ATP11A: variants seen among roughly 807,000 people sequenced by gnomAD.
ATP11A encodes the protein phospholipid-transporting ATPase IH.
ATP11A carries 81 observed loss-of-function variants against 154.4 expected under a neutral mutation model. The ratio of observed to expected loss-of-function variants is 0.52; its 90% CI spans 0.44 to 0.63. The LOEUF is 0.63. Among genes scored for constraint, ATP11A ranks in the 30% least tolerant of loss-of-function variants. The probability of loss-of-function intolerance (pLI) is 0.00; values close to 1 mark genes in which losing one functional copy is unlikely to be tolerated. For synonymous variants in ATP11A, 623 were observed against 585.9 expected, an observed-to-expected ratio of 1.06 and a Z score of -0.91; for missense variants, 1,316 against 1,474.3, an observed-to-expected ratio of 0.89 and a Z score of 1.76.
rs116460786 is a variant in ATP11A, at chr13:112,728,560, T to C, written c.39+38105T>C. ...AGACTGTGTGGCCCGCCTCCCTGTGTTACCTGTATGTACCGCGTTGTCACT... is the reference window on the plus strand; with the variant it reads ...AGACTGTGTGGCCCGCCTCCCTGTGCTACCTGTATGTACCGCGTTGTCACT... On this transcript the variant is annotated intron_variant, in intron 1 of 29. Transcript: ENST00000375645. 7.1e-3 allele frequency among the ~76,000 whole-genome samples: 1,067 copies of C among 149,492 alleles called. 8 individuals are homozygous for C. The highest frequency in any genetic ancestry group is 0.025 in the African/African-American group (1,005 of 40,392).
intron 25 of ATP11A, among the ~76,000 whole-genome samples, chr13:112,867,749 C>T (rs535113036): frequency 1.0e-3 from 154 of 152,336 alleles, no homozygotes; most frequent in Admixed American, 2.9e-3. Context: ...AACCCGCGTG[C>T]AGCCCCGGGG....
chr13:112,788,433 C>T (rs572842299), intron 2 of ATP11A, among the ~76,000 whole-genome samples: 44 of 149,568 alleles, frequency 2.9e-4, no homozygotes, highest in African/African-American at 8.9e-4. Context: ...TAATTCACAC[C>T]GGTGTCCTCA....
At chr13:112,717,105 A>C (rs1888555002) in intron 1 of ATP11A, among the ~76,000 whole-genome samples, 1 of 152,224 alleles carries the variant, frequency 6.6e-6, no homozygotes, top group African/African-American at 2.4e-5. Context: ...CAGGAAGAGA[A>C]AGAGAAGCCA....
intron 5 of ATP11A, among the ~76,000 whole-genome samples, chr13:112,814,080 T>C (rs1489312263): frequency 6.6e-6 from 1 of 152,206 alleles, no homozygotes; most frequent in Non-Finnish European, 1.5e-5. Flanking sequence ...TTATTTCTTT[T>C]GAGACAGAGT....
intron 1 of ATP11A, among the ~76,000 whole-genome samples, chr13:112,734,154 A>G (rs1224029654): frequency 3.5e-4 from 53 of 152,282 alleles, no homozygotes; most frequent in Admixed American, 3.3e-3. Context: ...CTTCCAGCTG[A>G]TAATGAGGTT....
At chr13:112,770,789 G>A (rs1380932192) in intron 1 of ATP11A, among the ~76,000 whole-genome samples, 1 of 152,224 alleles carries the variant, frequency 6.6e-6, no homozygotes, top group East Asian at 1.9e-4. Flanking sequence ...GGCGGCGATG[G>A]CGAGTCAGGA....
intron 1 of ATP11A, among the ~76,000 whole-genome samples, chr13:112,778,674 CA>C: frequency 1.6e-5 from 1 of 64,264 alleles, no homozygotes; most frequent in African/African-American, 8.2e-5. Context: ...GAGGAGTAGC[CA>C]CTGGAGTGAG....
Position 112,767,974 on chromosome 13 carries a change from C to T in ATP11A, c.40-17161C>T, listed in dbSNP as rs558614002. On this transcript the variant is annotated intron_variant, in intron 1 of 29. Coordinates refer to ENST00000375645, the MANE Select transcript of ATP11A (RefSeq NM_015205.3). ...CCCCACCAAGCGCTGGTCACAGAAA[C>T]GCCCTTCTCTGGTCACTGCTCTCTG... Among the ~76,000 whole-genome samples the T allele has an allele frequency of 3.3e-5, 5 of 152,260 alleles. No individual in the cohort carries two copies. In the South Asian group the frequency reaches 6.2e-4, roughly 19 times the overall value.
chr13:112,775,959 C>T (rs986984901), intron 1 of ATP11A, among the ~76,000 whole-genome samples: 1 of 152,254 alleles, frequency 6.6e-6, no homozygotes, highest in Admixed American at 6.5e-5. Context: ...CTGCGCCTCC[C>T]GGGCGTGAGC....
At chr13:112,724,729 C>T (rs1481580774) in intron 1 of ATP11A, among the ~76,000 whole-genome samples, 2 of 152,076 alleles carry the variant, frequency 1.3e-5, no homozygotes, top group East Asian at 3.9e-4. Context: ...TCTTGAGTCT[C>T]CTCATTAGCA....
intron 15 of ATP11A, 57 bp downstream of exon 15, chr13:112,834,717 T>C: frequency 7.1e-7 from 1 of 1,415,386 alleles, no homozygotes; most frequent in Non-Finnish European, 9.9e-7. Flanking sequence ...GAGTGTTCTT[T>C]ATAAGGTTCT....
intron 28 of ATP11A, among the ~76,000 whole-genome samples, chr13:112,876,657 C>T (rs1479467274): frequency 6.6e-6 from 1 of 152,210 alleles, no homozygotes; most frequent in African/African-American, 2.4e-5. Flanking sequence ...CCAATCACTC[C>T]TTGAGGTGGA....
rs140940784 is a variant in ATP11A, at chr13:112,882,472, A to G, written c.*606A>G. ...ATGGTGGTGCGTCCTTTACTCAACA[A>G]CCCTCCAATCCGGATGCTGTGGGAA... On this transcript the variant is annotated 3_prime_UTR_variant, in exon 30 of 30. Coordinates refer to ENST00000375645, the MANE Select transcript of ATP11A (RefSeq NM_015205.3). The surrounding 1 kb of genome is among the most constrained non-coding windows in gnomAD (Gnocchi z 5.1). 315 of 437,030 alleles carry G rather than the reference A, an allele frequency of 7.2e-4. 1 individual carries two copies. The highest frequency in any genetic ancestry group is 5.2e-3 in the African/African-American group (259 of 50,180). The allele number at this position is 437,030 out of a possible 1,614,324, so 27.1% of individuals were successfully genotyped here.
intron 1 of ATP11A, among the ~76,000 whole-genome samples, chr13:112,777,241 T>C (rs2139982622): frequency 6.6e-6 from 1 of 152,204 alleles, no homozygotes; most frequent in South Asian, 2.1e-4. Context: ...CAGCAGTGGA[T>C]CAATCCCAAA....
chr13:112,858,041 C>T (rs555923229), intron 21 of ATP11A, 104 bp from the exon 22 acceptor site: 36 of 1,565,328 alleles, frequency 2.3e-5, no homozygotes, highest in East Asian at 6.8e-5. Flanking sequence ...CGTGTGTGAC[C>T]GGGAAGGCTC....
intron 22 of ATP11A, chr13:112,858,595 G>A (rs41315958): frequency 0.18 from 43,405 of 243,790 alleles, 4,408 homozygotes; most frequent in Admixed American, 0.23. Flanking sequence ...GTCTCACGCC[G>A]TCCTGCTGTC....
chr13:112,852,726 G>A (rs568743210), intron 18 of ATP11A, among the ~76,000 whole-genome samples: 4 of 150,476 alleles, frequency 2.7e-5, no homozygotes, highest in Non-Finnish European at 5.9e-5. Flanking sequence ...TGGGGCGGGG[G>A]GCAGGTTGAC....
At chr13:112,843,561 A>G (rs2079489262) in intron 17 of ATP11A, among the ~76,000 whole-genome samples, 1 of 152,198 alleles carries the variant, frequency 6.6e-6, no homozygotes, top group African/African-American at 2.4e-5. Context: ...ACTGGAAAAC[A>G]AGACTTCCAA....
chr13:112,787,916 G>GA (rs2077697355), intron 2 of ATP11A, among the ~76,000 whole-genome samples: 1 of 148,100 alleles, frequency 6.8e-6, no homozygotes, highest in African/African-American at 2.5e-5. Context: ...AGACCCTTGC[G>GA]GAGACCTACT....
Sources: gnomAD v4.1 joint callset for allele counts (sites outside exome capture counted in the v4.1 genomes callset) on GRCh38, gnomAD v4.1.1 for gene constraint, Gnocchi (gnomAD v3.1) non-coding constraint, MANE v1.5 for transcripts, NCBI Gene and HGNC (gene_info 2026-07-23, HGNC 2026-07-21) for gene names.